The following DOCK9 variants were observed in gnomAD, a reference collection of about 807,000 sequenced individuals.
DOCK9 encodes dedicator of cytokinesis protein 9.
Under a neutral mutation model 263.3 loss-of-function variants are expected in DOCK9, and 89 were observed. The observed-to-expected ratio is 0.34, with a 90% confidence interval of 0.28 to 0.40. The LOEUF (loss-of-function observed/expected upper bound fraction) is 0.40. Among genes scored for constraint, DOCK9 ranks in the 10% least tolerant of loss-of-function variants. DOCK9 has a pLI of 1.00. For missense variants in DOCK9, 2,140 were observed against 2,603.4 expected (o/e 0.82, Z 3.87); for synonymous variants, 976 against 973.1 (o/e 1.00, Z -0.06).
At chr13:98,979,821 G>C (rs1479379106), upstream of DOCK9, among the ~76,000 whole-genome samples, 1 of 152,114 alleles carries the variant, frequency 6.6e-6, no homozygotes, top group Non-Finnish European at 1.5e-5. Context: ...TAAAAACTTA[G>C]GAATGTCCTA....
intron 35 of DOCK9, among the ~76,000 whole-genome samples, chr13:98,852,946 G>A (rs2093613545): frequency 6.6e-6 from 1 of 152,152 alleles, no homozygotes; most frequent in Admixed American, 6.5e-5. Flanking sequence ...CTTTGAGCCA[G>A]GAATATACAC....
chr13:98,894,323 A>T (rs188025964), intron 15 of DOCK9, among the ~76,000 whole-genome samples: 14 of 152,352 alleles, frequency 9.2e-5, no homozygotes, highest in African/African-American at 3.1e-4. Context: ...AATGTTATAA[A>T]GTGGAAGGTG....
chr13:99,047,541 C>A (rs556475154), intron 1 of DOCK9, among the ~76,000 whole-genome samples: 99 of 123,678 alleles, frequency 8.0e-4, no homozygotes, highest in African/African-American at 2.7e-3. Flanking sequence ...TTTTTTGAGA[C>A]GGAGTCTCGC....
At chr13:98,957,479 G>A (rs895948827) in intron 1 of DOCK9, among the ~76,000 whole-genome samples, 1 of 151,646 alleles carries the variant, frequency 6.6e-6, no homozygotes, top group Non-Finnish European at 1.5e-5. Context: ...TATGTGGACA[G>A]AGACTAAAAA....
At chr13:99,071,642 G>A (rs956379399) in intron 1 of DOCK9, among the ~76,000 whole-genome samples, 1 of 151,900 alleles carries the variant, frequency 6.6e-6, no homozygotes, top group African/African-American at 2.4e-5. Context: ...GGAGGGTGTG[G>A]GACAGGAGGC....
intron 45 of DOCK9, among the ~76,000 whole-genome samples, chr13:98,817,185 T>C (rs1418956442): frequency 1.7e-4 from 26 of 152,206 alleles, no homozygotes; most frequent in Non-Finnish European, 3.5e-4. Flanking sequence ...ACAGAATTTA[T>C]GGGTGGTCTC....
intron 2 of DOCK9, among the ~76,000 whole-genome samples, chr13:98,943,368 T>C (rs9513513): frequency 0.42 from 63,535 of 152,100 alleles, 13,626 homozygotes; most frequent in East Asian, 0.56. Flanking sequence ...TAGGTTCTTC[T>C]AGGCAACCCT....
intron 30 of DOCK9, among the ~76,000 whole-genome samples, chr13:98,866,575 G>C (rs1390717290): frequency 6.6e-6 from 1 of 152,194 alleles, no homozygotes; most frequent in East Asian, 1.9e-4. Flanking sequence ...TGACAGACCT[G>C]ACAGACTAAT....
At chr13:98,972,759 G>A (rs1044690334) in intron 1 of DOCK9, among the ~76,000 whole-genome samples, 3 of 152,224 alleles carry the variant, frequency 2.0e-5, no homozygotes, top group African/African-American at 7.2e-5. Flanking sequence ...AGTGTTGTCT[G>A]CCTAAGTGTC....
intron 1 of DOCK9, among the ~76,000 whole-genome samples, chr13:99,018,017 A>C (rs4396395): frequency 0.24 from 36,100 of 152,214 alleles, 4,718 homozygotes; most frequent in East Asian, 0.43. Flanking sequence ...ATATCTCAAT[A>C]AAGCTAAAAA....
intron 9 of DOCK9, among the ~76,000 whole-genome samples, chr13:98,913,171 A>G (rs1207073130): frequency 1.3e-5 from 2 of 152,234 alleles, no homozygotes; most frequent in African/African-American, 4.8e-5. Flanking sequence ...GTCTTAAAAT[A>G]AAGGTCAATG....
chr13:99,018,233 G>C (rs997218708), intron 1 of DOCK9, among the ~76,000 whole-genome samples: 3 of 152,162 alleles, frequency 2.0e-5, no homozygotes, highest in Non-Finnish European at 4.4e-5. Flanking sequence ...GTAGTGATTA[G>C]GGCAGAGCCT....
At chr13:98,968,965 A>G (rs2141287469) in intron 1 of DOCK9, among the ~76,000 whole-genome samples, 1 of 152,276 alleles carries the variant, frequency 6.6e-6, no homozygotes, top group Non-Finnish European at 1.5e-5. Context: ...TAATCAATTT[A>G]CTGAGAAGCT....
At chr13:98,994,762 T>C (rs1880617035) in intron 1 of DOCK9, among the ~76,000 whole-genome samples, 1 of 152,134 alleles carries the variant, frequency 6.6e-6, no homozygotes, top group Non-Finnish European at 1.5e-5. Flanking sequence ...GTATATCAAG[T>C]GGTAATTCCG....
chr13:98,840,754 T>C (rs1318468259), intron 38 of DOCK9, among the ~76,000 whole-genome samples: 1 of 152,206 alleles, frequency 6.6e-6, no homozygotes, highest in African/African-American at 2.4e-5. Flanking sequence ...CGTATTCCTA[T>C]AGGGGGCACT....
intron 15 of DOCK9, among the ~76,000 whole-genome samples, chr13:98,895,578 T>C (rs2047302499): frequency 6.6e-6 from 1 of 151,090 alleles, no homozygotes; most frequent in African/African-American, 2.4e-5. Context: ...GGCAGGAGAA[T>C]CGCTTGAACT....
At chr13:98,960,796 G>A (rs2058548635) in intron 1 of DOCK9, among the ~76,000 whole-genome samples, 1 of 152,144 alleles carries the variant, frequency 6.6e-6, no homozygotes, top group South Asian at 2.1e-4. Flanking sequence ...CTCTCCAGGG[G>A]ATTCTGGAAA....
At chr13:98,851,437 T>C (rs1392668717) in intron 35 of DOCK9, among the ~76,000 whole-genome samples, 1 of 152,040 alleles carries the variant, frequency 6.6e-6, no homozygotes, top group African/African-American at 2.4e-5. Flanking sequence ...CAGTGCATGC[T>C]GGAGAGCCTG....
chr13:98,954,897 C>CACAT (rs1267820966), intron 2 of DOCK9, among the ~76,000 whole-genome samples: 92 of 149,928 alleles, frequency 6.1e-4, no homozygotes, highest in African/African-American at 2.0e-3. Flanking sequence ...CACACACACA[C>CACAT]ATTTTGGCAT....
Sources: allele counts gnomAD v4.1 joint callset (sites outside exome capture counted in the v4.1 genomes callset), GRCh38; gene constraint gnomAD v4.1.1; transcripts MANE v1.5; gene names NCBI Gene and HGNC (gene_info 2026-07-23, HGNC 2026-07-21).